The following PACS1 variants were observed in gnomAD, a reference collection of about 807,000 sequenced individuals.
The protein encoded by PACS1 is PACS-1.
In PACS1, 24 loss-of-function variants were observed where a neutral mutation model predicts 115.0. The ratio of observed to expected loss-of-function variants is 0.21; its 90% confidence interval spans 0.15 to 0.29. PACS1 has a LOEUF of 0.29. Ranked by LOEUF, PACS1 falls within the 10% of genes least tolerant of loss-of-function variation. The pLI, the probability that PACS1 is intolerant of heterozygous loss-of-function variation, is 1.00. For synonymous variants in PACS1, 453 were observed against 504.5 expected (o/e 0.90, Z 1.37); for missense variants, 838 against 1,251.2 (o/e 0.67, Z 4.98).
chr11:66,076,845 T>C (rs898945713), intron 1 of PACS1, among the ~76,000 whole-genome samples: 2 of 152,224 alleles, frequency 1.3e-5, no homozygotes, highest in African/African-American at 2.4e-5. Context: ...TTTGCCAACG[T>C]TGGTCTTCTT....
At chr11:66,111,684 A>C (rs1430570237) in intron 1 of PACS1, among the ~76,000 whole-genome samples, 2 of 151,554 alleles carry the variant, frequency 1.3e-5, no homozygotes, top group Non-Finnish European at 2.9e-5. Flanking sequence ...TGACTCACTC[A>C]CTCTGCTCAG....
At chr11:66,146,782 C>T (rs547550011) in intron 1 of PACS1, among the ~76,000 whole-genome samples, 53 of 152,280 alleles carry the variant, frequency 3.5e-4, no homozygotes, top group Non-Finnish European at 1.6e-4. Context: ...TGTAGTGGCT[C>T]ACGCCTGTAA....
intron 1 of PACS1, among the ~76,000 whole-genome samples, chr11:66,086,126 T>A (rs1857562545): frequency 6.6e-6 from 1 of 151,494 alleles, no homozygotes; most frequent in Non-Finnish European, 1.5e-5. Context: ...AAAAAATGCT[T>A]ATGATTTCTT....
At chr11:66,146,140 A>G (rs1179191646) in intron 1 of PACS1, among the ~76,000 whole-genome samples, 1 of 152,112 alleles carries the variant, frequency 6.6e-6, no homozygotes, top group Non-Finnish European at 1.5e-5. Context: ...ACAAACACTA[A>G]TGGGACAAAA....
rs539985113 is a variant in PACS1 at position 66,151,911 on chromosome 11, G to A, written c.357-41575G>A. On this transcript the variant is annotated intron_variant, in intron 1 of 23. Coordinates refer to ENST00000320580, the MANE Select transcript of PACS1 (RefSeq NM_018026.4). ...GGAAAGTGAAAAAATGGAAGTTGTA[G>A]AGCTCAAATAAGTAATAGCTGAAAT... is the stretch of plus-strand genomic sequence containing the variant. Among the ~76,000 whole-genome samples the A allele has an allele frequency of 2.0e-5, 3 of 152,278 alleles. No individual in the cohort carries two copies. The South Asian group carries it at 6.2e-4, about 32-fold the overall frequency.
intron 1 of PACS1, among the ~76,000 whole-genome samples, chr11:66,140,979 T>G (rs1858968427): frequency 6.6e-6 from 1 of 152,196 alleles, no homozygotes; most frequent in Admixed American, 6.5e-5. Context: ...TGGTATCTTA[T>G]TGTATGGTTC....
intron 1 of PACS1, among the ~76,000 whole-genome samples, chr11:66,140,312 T>C (rs1858948747): frequency 6.6e-6 from 1 of 152,198 alleles, no homozygotes; most frequent in Non-Finnish European, 1.5e-5. Context: ...TTCGGAACTT[T>C]TTCCTAACAT....
chr11:66,155,599 T>C (rs1314808144), intron 1 of PACS1, among the ~76,000 whole-genome samples: 2 of 152,188 alleles, frequency 1.3e-5, no homozygotes, highest in African/African-American at 4.8e-5. Context: ...GCTCCAGGTG[T>C]TGGCAAGGAT....
chr11:66,099,329 T>G (rs1489208781), intron 1 of PACS1, among the ~76,000 whole-genome samples: 10 of 152,160 alleles, frequency 6.6e-5, no homozygotes. Context: ...GTTCACTCCA[T>G]TCTCCTGCCT....
chr11:66,237,552 G>C (rs1455012108), intron 19 of PACS1, among the ~76,000 whole-genome samples: 1 of 152,188 alleles, frequency 6.6e-6, no homozygotes, highest in African/African-American at 2.4e-5. Flanking sequence ...GTGCCTTGCA[G>C]AGCCTCCTGT....
intron 11 of PACS1, 60 bp downstream of exon 11, chr11:66,227,644 T>C (rs1167628840): frequency 2.7e-6 from 3 of 1,122,648 alleles, no homozygotes; most frequent in East Asian, 2.4e-5. Context: ...CCTTTAGAAA[T>C]AACGGCAGAA....
intron 21 of PACS1, chr11:66,241,147 C>G: frequency 2.4e-6 from 1 of 410,702 alleles, no homozygotes; most frequent in Non-Finnish European, 4.5e-6. Flanking sequence ...CACACACTTT[C>G]TTCCTTCATA....
intron 11 of PACS1, among the ~76,000 whole-genome samples, chr11:66,229,878 G>GGAGGTTGCGGTGAGCC (rs1410106279): frequency 1.3e-5 from 2 of 150,304 alleles, no homozygotes; most frequent in Admixed American, 6.6e-5. Context: ...CTTGGGAGGC[G>GGAGGTTGCGGTGAGCC]GAGGTTGCGG....
chr11:66,203,743 T>C (rs1854870674), intron 2 of PACS1, among the ~76,000 whole-genome samples: 1 of 152,076 alleles, frequency 6.6e-6, no homozygotes, highest in Non-Finnish European at 1.5e-5. Flanking sequence ...GCCAAGAACA[T>C]ACACTGGGGA....
intron 1 of PACS1, among the ~76,000 whole-genome samples, chr11:66,161,056 G>T (rs113698380): frequency 6.6e-6 from 1 of 152,126 alleles, no homozygotes; most frequent in African/African-American, 2.4e-5. Context: ...GAGGATAAAA[G>T]ATGCTAATAT....
intron 2 of PACS1, among the ~76,000 whole-genome samples, chr11:66,194,743 A>G (rs1465234091): frequency 2.6e-5 from 4 of 152,188 alleles, no homozygotes; most frequent in Non-Finnish European, 5.9e-5. Flanking sequence ...AAACTGTATG[A>G]TAACTCCCTA....
intron 1 of PACS1, among the ~76,000 whole-genome samples, chr11:66,126,253 C>T (rs1858568689): frequency 2.6e-5 from 4 of 152,162 alleles, no homozygotes; most frequent in South Asian, 2.1e-4. Context: ...ACACACCAGA[C>T]GGAAAGTGAG....
Position 66,216,160 on chromosome 11 carries a change from A to G in PACS1, c.702A>G (p.Leu234=). The change falls in exon 5 of 24, where the codon CTA becomes CTG. Residue 234 remains leucine (L), a synonymous_variant. Coordinates refer to ENST00000320580, the MANE Select transcript of PACS1 (RefSeq NM_018026.4). ...HPNEGALVLG[L]HSNVKDVSVP... is the part of the protein sequence containing the mutation. ...ATGAAGGCGCACTGGTGCTTGGCCT[A>G]CACAGCAACGTGAAGGATGTCTCTG... The G allele has an allele frequency of 1.2e-6, 2 of 1,613,966 alleles. No individual in the cohort carries two copies. The highest frequency in any genetic ancestry group is 1.7e-6 in the Non-Finnish European group (2 of 1,179,938).
At chr11:66,136,262 AACAC>A (rs71270571) in intron 1 of PACS1, among the ~76,000 whole-genome samples, 28 of 143,664 alleles carry the variant, frequency 1.9e-4, no homozygotes, top group Non-Finnish European at 3.8e-4. Context: ...CAATCCCGCT[AACAC>A]ACACACACAC....
Sources: allele counts gnomAD v4.1 joint callset (sites outside exome capture counted in the v4.1 genomes callset), GRCh38; gene constraint gnomAD v4.1.1; transcripts MANE v1.5; gene names NCBI Gene and HGNC (gene_info 2026-07-23, HGNC 2026-07-21).